PLA2G2F: variants seen among roughly 807,000 people sequenced by gnomAD.
The protein encoded by PLA2G2F is phospholipase A2 group IIF.
PLA2G2F carries 17 observed loss-of-function variants against 15.9 expected under a neutral mutation model. That is an observed-to-expected ratio of 1.07 (90% CI 0.73 to 1.60). PLA2G2F has a LOEUF of 1.60. PLA2G2F is among the 40% of genes most tolerant of loss of function. The probability of loss-of-function intolerance (pLI) is 0.00; values close to 1 mark genes in which losing one functional copy is unlikely to be tolerated. For synonymous variants in PLA2G2F, 119 were observed against 106.5 expected (o/e 1.12, Z -0.72); for missense variants, 299 against 278.2 (o/e 1.07, Z -0.53).
At chr1:20,143,158 C>T in intron 2 of PLA2G2F, 1 of 357,808 alleles carries the variant, frequency 2.8e-6, no homozygotes, top group East Asian at 4.8e-5. Context: ...ATGGAAGGGG[C>T]TTGGGACAGT....
intron 2 of PLA2G2F, 28 bp from the exon 3 acceptor site, chr1:20,143,418 C>T (rs1352099130): frequency 6.2e-7 from 1 of 1,607,352 alleles, no homozygotes. Flanking sequence ...GGGGCAGGGG[C>T]TCAGAGCACC....
chr1:20,146,071 G>T (rs552786256), intron 4 of PLA2G2F, among the ~76,000 whole-genome samples: 1 of 152,230 alleles, frequency 6.6e-6, no homozygotes, highest in Non-Finnish European at 1.5e-5. Context: ...CCCAAATTCT[G>T]GGTGATTCTG....
In PLA2G2F at chr1:20,139,447, C is replaced by T. The variant is rs1290961317; in HGVS notation, c.20C>T (p.Ala7Val). MADGAKANPKGFKKKVL... is the reference protein window; with the variant it reads MADGAKVNPKGFKKKVL... ...CGCAACATGGCAGATGGGGCAAAGGCCAACCCCAAAGGGTTCAAAAAGAAG... is the reference window on the plus strand; with the variant it reads ...CGCAACATGGCAGATGGGGCAAAGGTCAACCCCAAAGGGTTCAAAAAGAAG... The change falls in exon 1 of 5, where the codon GCC (alanine) becomes GTC (valine). Residue 7 changes from alanine to valine, a missense_variant. Transcript: ENST00000375102. 1 of 1,566,758 alleles carries T rather than the reference C, an allele frequency of 6.4e-7. No homozygotes were observed.
At chr1:20,146,937 G>A (rs1449469371) in intron 4 of PLA2G2F, among the ~76,000 whole-genome samples, 1 of 152,194 alleles carries the variant, frequency 6.6e-6, no homozygotes, top group Non-Finnish European at 1.5e-5. Context: ...GGCCATCAGA[G>A]CCAGAGGCCC....
At chr1:20,145,698 A>T (rs6677177) in intron 4 of PLA2G2F, among the ~76,000 whole-genome samples, 4 of 151,552 alleles carry the variant, frequency 2.6e-5, no homozygotes, top group Middle Eastern at 3.5e-3. Context: ...CTGCAGCCTT[A>T]ACCTGGGCTA....
At chr1:20,146,577 G>T (rs2017612875) in intron 4 of PLA2G2F, among the ~76,000 whole-genome samples, 1 of 152,208 alleles carries the variant, frequency 6.6e-6, no homozygotes, top group South Asian at 2.1e-4. Flanking sequence ...GGCCCAGCCT[G>T]TGGGCAACCA....
At chr1:20,148,047 G>A in intron 4 of PLA2G2F, 143 bp from the exon 5 acceptor site, 1 of 695,884 alleles carries the variant, frequency 1.4e-6, no homozygotes, top group Non-Finnish European at 2.6e-6. Flanking sequence ...GGGCCCGTGG[G>A]TGGTGCTGGT....
intron 2 of PLA2G2F, chr1:20,143,073 C>G (rs2017508075): frequency 5.9e-6 from 1 of 169,614 alleles, no homozygotes; most frequent in Non-Finnish European, 1.3e-5. Context: ...CACTGGGCCT[C>G]AGTCTTCTCA....
chr1:20,144,510 CAG>C, intron 3 of PLA2G2F, 68 bp from the exon 4 acceptor site: 1 of 1,073,234 alleles, frequency 9.3e-7, no homozygotes, highest in Non-Finnish European at 1.4e-6. Context: ...AAGAGATGAT[CAG>C]AGGTCTCTGC....
At chr1:20,140,308 C>T (rs2017432938) in intron 2 of PLA2G2F, 90 bp downstream of exon 2, 1 of 1,409,024 alleles carries the variant, frequency 7.1e-7, no homozygotes, top group Admixed American at 1.8e-5. Context: ...GTTCCACTGA[C>T]CAGCCTAGGT....
Position 20,139,424 on chromosome 1 carries a change from C to CA in PLA2G2F, c.-2dup. On this transcript the variant is annotated 5_prime_UTR_variant, in exon 1 of 5. Transcript: ENST00000375102. ...TATGTTGCTGGCCCCCCAGAACCCG[C>CA]AACATGGCAGATGGGGCAAAGGCCA... 6.4e-6 allele frequency: 10 copies of CA among 1,554,522 alleles called. No homozygotes were observed. The highest frequency in any genetic ancestry group is 7.8e-6 in the Non-Finnish European group (9 of 1,147,858).
At position 20,148,456 on chromosome 1, in the gene PLA2G2F, C is replaced by T. The variant is rs902769108; in HGVS notation, c.*55C>T. Reference sequence around the variant, plus strand: ...AGGAGGGTCTGGCTTGGGGACCAGACGAGGTGCAGGGAGGGTAGGAGCCAG... The same window carrying T: ...AGGAGGGTCTGGCTTGGGGACCAGATGAGGTGCAGGGAGGGTAGGAGCCAG... On this transcript the variant is annotated 3_prime_UTR_variant, in exon 5 of 5. Transcript: ENST00000375102. 2.7e-5 allele frequency: 40 copies of T among 1,477,084 alleles called. No homozygotes were observed. Among genetic ancestry groups the T allele is most frequent in the Admixed American group, 1.4e-4 (8 of 59,012 alleles). 91.5% of individuals were successfully genotyped at this position (1,477,084 alleles called of 1,614,324 possible).
intron 1 of PLA2G2F, 93 bp from the exon 2 acceptor site, chr1:20,140,073 C>A: frequency 7.6e-7 from 1 of 1,318,570 alleles, no homozygotes; most frequent in Non-Finnish European, 1.1e-6. Context: ...GCATTGATGA[C>A]ACCTGTCCTG....
chr1:20,147,380 G>C lies in PLA2G2F; in HGVS notation c.425-810G>C, dbSNP rs141123879. ...AGCATTTGCCCTGGATTAGGCATGTGAGAGGCTCTTAGGCACTAAGCTTTT... is the reference window on the plus strand; with the variant it reads ...AGCATTTGCCCTGGATTAGGCATGTCAGAGGCTCTTAGGCACTAAGCTTTT... On this transcript the variant is annotated intron_variant, in intron 4 of 4. Coordinates refer to ENST00000375102, the MANE Select transcript of PLA2G2F (RefSeq NM_022819.4). 3.6e-3 allele frequency among the ~76,000 whole-genome samples: 550 copies of C among 152,154 alleles called. 3 individuals carry two copies. The highest frequency in any genetic ancestry group is 0.013 in the African/African-American group (521 of 41,508).
At chr1:20,144,799 G>T in intron 4 of PLA2G2F, 110 bp downstream of exon 4, 1 of 952,526 alleles carries the variant, frequency 1.0e-6, no homozygotes, top group South Asian at 1.5e-5. Flanking sequence ...GCTGCCAGCC[G>T]GGTGCGGTGG....
At chr1:20,140,138 T>C (rs756365815) in intron 1 of PLA2G2F, 28 bp from the exon 2 acceptor site, 1 of 1,612,244 alleles carries the variant, frequency 6.2e-7, no homozygotes, top group Non-Finnish European at 8.5e-7. Flanking sequence ...GGGGATGGAC[T>C]CAAGCTCCGG....
Position 20,148,407 on chromosome 1 carries a change from C to T in PLA2G2F, c.*6C>T. 1 of 1,607,646 alleles carries T rather than the reference C, an allele frequency of 6.2e-7. No homozygotes were observed. The highest frequency in any genetic ancestry group is 8.5e-7 in the Non-Finnish European group (1 of 1,175,002). The stretch of plus-strand genomic sequence containing the variant: ...CGCCCCCCGCCCCTCCCTAGAGCCT[C>T]TGAGGTTTGAGAGAGAGAGCGGGAG... On this transcript the variant is annotated 3_prime_UTR_variant, in exon 5 of 5. Coordinates refer to ENST00000375102, the MANE Select transcript of PLA2G2F (RefSeq NM_022819.4).
chr1:20,139,546 A>G lies in PLA2G2F; in HGVS notation c.116+3A>G, dbSNP rs2017417637. 1 of 1,513,154 alleles carries G rather than the reference A, an allele frequency of 6.6e-7. No homozygotes were observed. Among genetic ancestry groups the G allele is most frequent in the East Asian group, 2.5e-5 (1 of 40,508 alleles). 93.7% of individuals were successfully genotyped at this position (1,513,154 alleles called of 1,614,324 possible). ...TCCTGTCCTTCAAGAACCTCCAGGT[A>G]GGTGCCTGTTGCCCTGAGATGGAAT... On this transcript the variant is annotated splice_donor_region_variant and intron_variant, in intron 1 of 4. Transcript: ENST00000375102.
intron 1 of PLA2G2F, 31 bp from the exon 2 acceptor site, chr1:20,140,135 G>A: frequency 6.2e-7 from 1 of 1,611,160 alleles, no homozygotes. Flanking sequence ...GGAGGGGATG[G>A]ACTCAAGCTC....
Sources: allele counts gnomAD v4.1 joint callset (sites outside exome capture counted in the v4.1 genomes callset), GRCh38; gene constraint gnomAD v4.1.1; transcripts MANE v1.5; gene names NCBI Gene and HGNC (gene_info 2026-07-23, HGNC 2026-07-21).